SMARCA1: variants seen among roughly 807,000 people sequenced by gnomAD.
SMARCA1 encodes SNF2 related chromatin remodeling ATPase 1, also known as SWI/SNF-related matrix-associated actin-dependent regulator of chromatin subfamily A member 1.
A neutral mutation model predicts 93.6 loss-of-function variants in SMARCA1; 17 were observed. The observed-to-expected ratio is 0.18, with a 90% CI of 0.12 to 0.27. The LOEUF (loss-of-function observed/expected upper bound fraction) is 0.27, where lower values mean the gene tolerates loss of function less well. SMARCA1 is among the 10% of genes least tolerant of loss of function. The pLI, the probability that SMARCA1 is intolerant of heterozygous loss-of-function variation, is 1.00. For missense variants in SMARCA1, 630 were observed against 819.0 expected, an observed-to-expected ratio of 0.77 and a Z score of 2.82; for synonymous variants, 271 against 271.4, an observed-to-expected ratio of 1.00 and a Z score of 0.01.
rs781587627 is a variant in SMARCA1 at position 129,523,378 on chromosome X, G to C, written c.-8C>G. The C allele has an allele frequency of 2.6e-6, 3 of 1,156,260 alleles. No individual in the cohort carries two copies. The highest frequency in any genetic ancestry group is 6.2e-5 in the East Asian group (2 of 32,454). On this transcript the variant is annotated 5_prime_UTR_variant, in exon 1 of 25. Coordinates refer to ENST00000371121, the MANE Select transcript of SMARCA1 (RefSeq NM_001282874.2). ...GGCAGTGTCCTGCTCCATGCCGTGG[G>C]AGCGGGAACGAGTAGGGGGACAAGG...
At chrX:129,507,578 G>T (rs779415257) in intron 7 of SMARCA1, among the ~76,000 whole-genome samples, 1 of 112,151 alleles carries the variant, frequency 8.9e-6, no homozygotes, top group African/African-American at 3.2e-5. Context: ...TTCTTGAGAC[G>T]GAGTCTCACT....
rs1183393905 is a variant in SMARCA1, at chrX:129,468,931, C to T, written c.2566-26G>A. On this transcript the variant is annotated intron_variant, in intron 20 of 24. Coordinates refer to ENST00000371121, the MANE Select transcript of SMARCA1 (RefSeq NM_001282874.2). Reference sequence around the variant, plus strand: ...CTGTGAACAAAAAGTTAAGCATTATCAATAGAGGTTAAATTAATAAATCCA... The same window carrying T: ...CTGTGAACAAAAAGTTAAGCATTATTAATAGAGGTTAAATTAATAAATCCA... 1.0e-5 allele frequency: 11 copies of T among 1,087,742 alleles called. No homozygotes were observed. The South Asian group carries it at 2.0e-4, about 19-fold the overall frequency. 89.6% of individuals were successfully genotyped at this position (1,087,742 alleles called of 1,213,427 possible). A position where few individuals can be genotyped will look rare whatever the true frequency, so the allele number is the denominator to read the frequency against.
At chrX:129,459,584 G>A (rs1307123106) in intron 23 of SMARCA1, among the ~76,000 whole-genome samples, 1 of 111,985 alleles carries the variant, frequency 8.9e-6, no homozygotes, top group Non-Finnish European at 1.9e-5. Flanking sequence ...TAAAACATAT[G>A]ACATTTATAA....
At chrX:129,466,267 C>T (rs1932904417) in intron 21 of SMARCA1, among the ~76,000 whole-genome samples, 1 of 111,505 alleles carries the variant, frequency 9.0e-6, no homozygotes, top group Admixed American at 9.6e-5. Context: ...TTAAGCTAGG[C>T]TTTTTACTCA....
intron 17 of SMARCA1, among the ~76,000 whole-genome samples, chrX:129,484,102 A>T (rs926706043): frequency 5.4e-5 from 6 of 111,998 alleles, no homozygotes; most frequent in African/African-American, 1.9e-4. Context: ...ACGCATCATT[A>T]CTTTGCTAAA....
At chrX:129,471,618 G>A (rs760606612) in intron 19 of SMARCA1, among the ~76,000 whole-genome samples, 6 of 110,658 alleles carry the variant, frequency 5.4e-5, no homozygotes, top group Admixed American at 1.9e-4. Context: ...GTAATATACA[G>A]AACAAACAAA....
At chrX:129,492,394 C>T (rs1396659620) in intron 13 of SMARCA1, among the ~76,000 whole-genome samples, 1 of 111,440 alleles carries the variant, frequency 9.0e-6, no homozygotes, top group Non-Finnish European at 1.9e-5. Context: ...ACAAATTTAA[C>T]TAAGCAAGTA....
chrX:129,461,262 A>G (rs867749669), intron 23 of SMARCA1, among the ~76,000 whole-genome samples: 2 of 112,035 alleles, frequency 1.8e-5, no homozygotes, highest in Non-Finnish European at 1.9e-5. Context: ...TTTTTTTTTA[A>G]CTAAAATTAA....
At chrX:129,498,436 T>C (rs1283102070) in intron 10 of SMARCA1, among the ~76,000 whole-genome samples, 1 of 111,977 alleles carries the variant, frequency 8.9e-6, no homozygotes, top group Non-Finnish European at 1.9e-5. Flanking sequence ...AGGTCATTTT[T>C]TTCTGATCCT....
At chrX:129,459,872 G>A (rs371158835) in intron 23 of SMARCA1, among the ~76,000 whole-genome samples, 28 of 111,926 alleles carry the variant, frequency 2.5e-4, no homozygotes, top group East Asian at 1.4e-3. Context: ...AATTGTGGCC[G>A]GGCACAGTGG....
chrX:129,502,164 A>G (rs1274206159), intron 9 of SMARCA1, among the ~76,000 whole-genome samples: 1 of 111,530 alleles, frequency 9.0e-6, no homozygotes, highest in African/African-American at 3.3e-5. Flanking sequence ...AAGACTCCGA[A>G]GGCAATGGGA....
intron 13 of SMARCA1, 80 bp from the exon 14 acceptor site, chrX:129,492,173 A>G: frequency 3.7e-6 from 2 of 542,242 alleles, no homozygotes; most frequent in Non-Finnish European, 3.1e-6. Flanking sequence ...GAAACAAATA[A>G]AAACATTTAA....
chrX:129,448,162 A>C (rs1043632649), intron 24 of SMARCA1, 171 bp downstream of exon 24: 22 of 482,015 alleles, frequency 4.6e-5, no homozygotes, highest in Non-Finnish European at 6.8e-5. Context: ...CTACAAACAA[A>C]TAAGAAACAT....
chrX:129,496,669 G>T, intron 12 of SMARCA1, 81 bp downstream of exon 12: 1 of 960,468 alleles, frequency 1.0e-6, no homozygotes, highest in South Asian at 2.5e-5. Flanking sequence ...AAAGGCAAAA[G>T]TTCAAAACTA....
rs751724639 is a variant in SMARCA1, at chrX:129,515,807, A to G, written c.530-20T>C. ...TCACATCTGGTGAAAAAATGCAAGGACATTTCATACTTTCATTAACATACT... is the reference window on the plus strand; with the variant it reads ...TCACATCTGGTGAAAAAATGCAAGGGCATTTCATACTTTCATTAACATACT... On this transcript the variant is annotated intron_variant, in intron 4 of 24. Coordinates refer to ENST00000371121, the MANE Select transcript of SMARCA1 (RefSeq NM_001282874.2). The G allele has an allele frequency of 2.6e-6, 3 of 1,154,024 alleles. No homozygotes were observed. In the African/African-American group the frequency reaches 5.3e-5, roughly 21 times the overall value.
Position 129,465,742 on chromosome X carries a change from T to C in SMARCA1, c.2818-10A>G, listed in dbSNP as rs1478986611. 6.2e-6 allele frequency: 7 copies of C among 1,132,881 alleles called. No individual in the cohort carries two copies. The highest frequency in any genetic ancestry group is 1.8e-5 in the African/African-American group (1 of 55,458). The allele number at this position is 1,132,881 out of a possible 1,213,427, so 93.4% of individuals were successfully genotyped here. On this transcript the variant is annotated splice_polypyrimidine_tract_variant and intron_variant, in intron 22 of 24. Coordinates refer to ENST00000371121, the MANE Select transcript of SMARCA1 (RefSeq NM_001282874.2). Reference sequence around the variant, plus strand: ...CCTTGTATCTTGCAATCTGTGTATTTAAACAAAATAGTGCTTTTAATTGAA... The same window carrying C: ...CCTTGTATCTTGCAATCTGTGTATTCAAACAAAATAGTGCTTTTAATTGAA...
At chrX:129,491,409 A>T (rs938729471) in intron 14 of SMARCA1, among the ~76,000 whole-genome samples, 4 of 109,834 alleles carry the variant, frequency 3.6e-5, no homozygotes, top group South Asian at 3.9e-4. Flanking sequence ...TTTGCTCCCT[A>T]AAAAAAAATG....
At chrX:129,510,562 C>T (rs1490084992) in intron 6 of SMARCA1, among the ~76,000 whole-genome samples, 2 of 111,380 alleles carry the variant, frequency 1.8e-5, no homozygotes, top group African/African-American at 3.3e-5. Context: ...AGCGAGACCC[C>T]GCCTCTGGAA....
chrX:129,474,696 T>A lies in SMARCA1; in HGVS notation c.2443-3370A>T, dbSNP rs1245807033. ...CAAATAGCTGCTAAAATGTTTAGAA[T>A]TAGAAAAGGCTCAAAGTTTCTAAAT... On this transcript the variant is annotated intron_variant, in intron 19 of 24. Transcript: ENST00000371121. Among the ~76,000 whole-genome samples, 4 of 111,947 alleles carry A rather than the reference T, an allele frequency of 3.6e-5. No homozygotes were observed. The East Asian group carries it at 1.1e-3, about 31-fold the overall frequency.
Sources: gnomAD v4.1 joint callset for allele counts (sites outside exome capture counted in the v4.1 genomes callset) on GRCh38, gnomAD v4.1.1 for gene constraint, MANE v1.5 for transcripts, NCBI Gene and HGNC (gene_info 2026-07-23, HGNC 2026-07-21) for gene names.